GDA: variants seen among roughly 807,000 people sequenced by gnomAD.
The protein encoded by GDA is guanine deaminase, also known as cytoplasmic PSD-95 interactor.
GDA carries 18 observed loss-of-function variants against 59.6 expected under a neutral mutation model. The ratio of observed to expected loss-of-function variants is 0.30; its 90% confidence interval spans 0.21 to 0.45. The LOEUF (loss-of-function observed/expected upper bound fraction) is 0.45. GDA is among the 20% of genes least tolerant of loss of function. GDA has a pLI of 1.00. For missense variants in GDA, 427 were observed against 552.3 expected (o/e 0.77, Z 2.27); for synonymous variants, 201 against 201.1 (o/e 1.00, Z 0.00).
At chr9:72,122,117 A>AT (rs1825683372) in intron 1 of GDA, among the ~76,000 whole-genome samples, 4 of 152,092 alleles carry the variant, frequency 2.6e-5, no homozygotes, top group Admixed American at 2.6e-4. Context: ...CTTTACTTCC[A>AT]TTTGCTGATC....
chr9:72,117,137 T>G (rs4237251), intron 1 of GDA, among the ~76,000 whole-genome samples: 112,541 of 151,880 alleles, frequency 0.74, 42,022 homozygotes, highest in Middle Eastern at 0.8. Flanking sequence ...AGTATTCCAT[T>G]GTGTATATGT....
intron 1 of GDA, among the ~76,000 whole-genome samples, chr9:72,187,632 G>A (rs912099623): frequency 6.6e-6 from 1 of 152,220 alleles, no homozygotes; most frequent in Non-Finnish European, 1.5e-5. Flanking sequence ...AAGTGGCTTT[G>A]GAACTGGGCA....
chr9:72,213,973 C>T lies in GDA; in HGVS notation c.560C>T (p.Ser187Leu). Reference sequence around the variant, plus strand: ...GAATACAAGGAGACCACTGAGGAATCGATCAAGGAAACTGAGAGGTAAAAG... The same window carrying T: ...GAATACAAGGAGACCACTGAGGAATTGATCAAGGAAACTGAGAGGTAAAAG... ...FPEYKETTEE[S>L]IKETERFVSE... The change falls in exon 5 of 14, where the codon TCG becomes TTG. Residue 187 changes from serine (S) to leucine (L), a missense_variant. Coordinates refer to ENST00000358399, the MANE Select transcript of GDA (RefSeq NM_004293.5). 3.1e-6 allele frequency: 5 copies of T among 1,593,304 alleles called. No individual in the cohort carries two copies. Among genetic ancestry groups the T allele is most frequent in the Non-Finnish European group, 3.4e-6 (4 of 1,161,262 alleles).
intron 10 of GDA, among the ~76,000 whole-genome samples, chr9:72,237,664 T>A (rs1013414662): frequency 5.9e-5 from 9 of 152,196 alleles, no homozygotes; most frequent in Non-Finnish European, 1.5e-5. Context: ...TCCCTTCTCT[T>A]AGACCCCTCC....
upstream of GDA, among the ~76,000 whole-genome samples, chr9:72,148,743 C>T (rs562322795): frequency 2.0e-5 from 3 of 152,286 alleles, no homozygotes; most frequent in South Asian, 2.1e-4. Context: ...CTGAGGCCCA[C>T]GTGTCTTGTC....
At chr9:72,244,649 G>A (rs1471830681) in intron 11 of GDA, among the ~76,000 whole-genome samples, 1 of 152,068 alleles carries the variant, frequency 6.6e-6, no homozygotes, top group East Asian at 1.9e-4. Context: ...TGACAAATAT[G>A]CAAAAGGATA....
At chr9:72,208,939 C>A (rs771009638) in intron 3 of GDA, among the ~76,000 whole-genome samples, 2 of 151,842 alleles carry the variant, frequency 1.3e-5, no homozygotes, top group African/African-American at 4.8e-5. Context: ...TATAATAGAG[C>A]GTTTTCTATT....
At position 72,177,253 on chromosome 9, in the gene GDA, C is replaced by T. The variant is rs574308432; in HGVS notation, c.124-18247C>T. ...AGCTGGGATTACAGGCACATACCAC[C>T]GCATGGCTAACTTTTTGTATTTTTA... On this transcript the variant is annotated intron_variant, in intron 1 of 13. Transcript: ENST00000358399. Among the ~76,000 whole-genome samples the T allele has an allele frequency of 2.8e-4, 43 of 151,984 alleles. 1 individual carries two copies. The South Asian group carries it at 8.7e-3, about 31-fold the overall frequency.
At chr9:72,123,475 GC>G (rs1825739330) in intron 1 of GDA, among the ~76,000 whole-genome samples, 1 of 130,668 alleles carries the variant, frequency 7.7e-6, no homozygotes, top group Admixed American at 8.5e-5. Flanking sequence ...AAGCCACCAT[GC>G]CCGGCCTTTT....
chr9:72,198,978 G>A (rs1231935609), intron 2 of GDA, among the ~76,000 whole-genome samples: 1 of 151,874 alleles, frequency 6.6e-6, no homozygotes, highest in African/African-American at 2.4e-5. Flanking sequence ...AGTGAGAAGA[G>A]GAAAGCTGAA....
intron 1 of GDA, among the ~76,000 whole-genome samples, chr9:72,131,656 C>CACACACAA (rs1224737403): frequency 3.3e-5 from 5 of 151,822 alleles, no homozygotes; most frequent in Non-Finnish European, 7.4e-5. Context: ...CAGACACACA[C>CACACACAA]ACACACAAAC....
chr9:72,133,477 C>T (rs1826110803), intron 1 of GDA, among the ~76,000 whole-genome samples: 1 of 152,052 alleles, frequency 6.6e-6, no homozygotes, highest in Admixed American at 6.6e-5. Flanking sequence ...GGTTTTGACA[C>T]TACTTGGACT....
chr9:72,184,498 A>G (rs1158319820), intron 1 of GDA, among the ~76,000 whole-genome samples: 1 of 152,206 alleles, frequency 6.6e-6, no homozygotes, highest in Non-Finnish European at 1.5e-5. Flanking sequence ...AGTAATATGC[A>G]TGTAAGATTC....
At chr9:72,228,277 A>G in intron 9 of GDA, 1 of 459,932 alleles carries the variant, frequency 2.2e-6, no homozygotes, top group South Asian at 2.7e-5. Context: ...CTGAGTTTGT[A>G]CAAAAAAAGG....
chr9:72,250,136 G>T lies in GDA; in HGVS notation c.*1794G>T, dbSNP rs1235225581. 3.0e-6 allele frequency: 3 copies of T among 985,040 alleles called. No individual in the cohort carries two copies. The highest frequency in any genetic ancestry group is 2.4e-6 in the Non-Finnish European group (2 of 829,750). 61.0% of individuals were successfully genotyped at this position (985,040 alleles called of 1,614,324 possible). A position where few individuals can be genotyped will look rare whatever the true frequency, so the allele number is the denominator to read the frequency against. ...AAATTTCTCCCCATTTCTCTACGGG[G>T]CTAGCAAAAATCTTCAGCTTTATCA... On this transcript the variant is annotated 3_prime_UTR_variant, in exon 14 of 14. Coordinates refer to ENST00000358399, the MANE Select transcript of GDA (RefSeq NM_004293.5).
rs773497185 is a variant in GDA at position 72,249,306 on chromosome 9, T to G, written c.*964T>G. The G allele has an allele frequency of 5.7e-5, 56 of 984,722 alleles. No individual in the cohort carries two copies. Among genetic ancestry groups the G allele is most frequent in the Admixed American group, 1.2e-4 (2 of 16,250 alleles). 61.0% of individuals were successfully genotyped at this position (984,722 alleles called of 1,614,324 possible). On this transcript the variant is annotated 3_prime_UTR_variant, in exon 14 of 14. Transcript: ENST00000358399. ...GCCATGGCCTATTCCACCCAAACAA[T>G]ATGTTGTAGTTTCTGGAAATTCCAT...
intron 1 of GDA, among the ~76,000 whole-genome samples, chr9:72,130,538 C>G (rs4745168): frequency 0.62 from 94,729 of 152,118 alleles, 32,143 homozygotes; most frequent in Non-Finnish European, 0.75. Context: ...TCTTGTTCTC[C>G]TTAACACTTT....
chr9:72,129,782 A>T (rs528301357), intron 1 of GDA, among the ~76,000 whole-genome samples: 1 of 152,142 alleles, frequency 6.6e-6, no homozygotes, highest in East Asian at 1.9e-4. Flanking sequence ...TATTAGTGCC[A>T]TCTATATGAG....
At chr9:72,228,140 T>G (rs1443172202) in intron 9 of GDA, 100 bp downstream of exon 9, 1 of 728,518 alleles carries the variant, frequency 1.4e-6, no homozygotes, top group Non-Finnish European at 2.4e-6. Context: ...GGATCTCCCC[T>G]CTATTCTGTG....
Sources: gnomAD v4.1 joint callset for allele counts (sites outside exome capture counted in the v4.1 genomes callset) on GRCh38, gnomAD v4.1.1 for gene constraint, MANE v1.5 for transcripts, NCBI Gene and HGNC (gene_info 2026-07-23, HGNC 2026-07-21) for gene names.